The following ERP44 variants were observed in gnomAD, a reference collection of about 807,000 sequenced individuals.
ERP44 encodes the protein endoplasmic reticulum resident protein 44.
A neutral mutation model predicts 53.4 loss-of-function variants in ERP44; 25 were observed. The observed-to-expected ratio is 0.47, with a 90% CI of 0.34 to 0.65. The LOEUF is 0.65. ERP44 is among the 30% of genes least tolerant of loss of function. ERP44 has a pLI of 0.01. For missense variants in ERP44, 338 were observed against 493.2 expected, an observed-to-expected ratio of 0.69 and a Z score of 2.98; for synonymous variants, 145 against 161.2, an observed-to-expected ratio of 0.90 and a Z score of 0.76.
At chr9:100,078,048 C>T (rs1242506263) in intron 1 of ERP44, among the ~76,000 whole-genome samples, 2 of 152,250 alleles carry the variant, frequency 1.3e-5, no homozygotes, top group Non-Finnish European at 2.9e-5. Flanking sequence ...ACAAGGCAGT[C>T]ATCAATACCA....
intron 1 of ERP44, among the ~76,000 whole-genome samples, chr9:100,079,303 G>A (rs1248270488): frequency 6.6e-6 from 1 of 152,072 alleles, no homozygotes; most frequent in Admixed American, 6.6e-5. Context: ...CAGACTCCAA[G>A]TACTTCAGCT....
chr9:100,029,317 G>A (rs1825748863), intron 4 of ERP44, among the ~76,000 whole-genome samples: 2 of 152,128 alleles, frequency 1.3e-5, no homozygotes, highest in Admixed American at 1.3e-4. Flanking sequence ...GAATATACAA[G>A]CAACAACAAC....
intron 10 of ERP44, among the ~76,000 whole-genome samples, chr9:99,996,012 G>A (rs1391542388): frequency 6.6e-6 from 1 of 150,832 alleles, no homozygotes; most frequent in Non-Finnish European, 1.5e-5. Context: ...CAGTGTGCAA[G>A]GGTTCCCTTT....
intron 10 of ERP44, among the ~76,000 whole-genome samples, chr9:100,002,684 G>GAATCTTCTCTTGCTGCTTTCAT (rs1359184182): frequency 1.3e-4 from 20 of 151,860 alleles, no homozygotes; most frequent in African/African-American, 4.1e-4. Flanking sequence ...GCTGCTTTCA[G>GAATCTTCTCTTGCTGCTTTCAT]AATCTTCTCT....
rs2000186 is a variant in ERP44 at position 100,095,453 on chromosome 9, T to A, written c.57+3331A>T. Among the ~76,000 whole-genome samples, 1,493 of 151,992 alleles carry A rather than the reference T, an allele frequency of 9.8e-3. 24 individuals are homozygous for A. Among genetic ancestry groups the A allele is most frequent in the African/African-American group, 0.033 (1,368 of 41,456 alleles). On this transcript the variant is annotated intron_variant, in intron 1 of 11. Coordinates refer to ENST00000262455, the MANE Select transcript of ERP44 (RefSeq NM_015051.3). Reference sequence around the variant, plus strand: ...TTGAACAATGCTGTTTATTTTTTTTTAAAAAAAGGGAAACAATCAGGAAAA... The same window carrying A: ...TTGAACAATGCTGTTTATTTTTTTTAAAAAAAAGGGAAACAATCAGGAAAA...
chr9:100,050,796 A>T (rs1006971091), intron 4 of ERP44, among the ~76,000 whole-genome samples: 4 of 152,170 alleles, frequency 2.6e-5, no homozygotes, highest in African/African-American at 9.7e-5. Context: ...ATGATGTCAG[A>T]TTTTCTTCAA....
chr9:100,008,208 T>A (rs1331322138), intron 8 of ERP44, among the ~76,000 whole-genome samples: 2 of 152,190 alleles, frequency 1.3e-5, no homozygotes, highest in East Asian at 1.9e-4. Context: ...ACCCAAAGCT[T>A]GAAGTGTTTT....
chr9:100,068,018 G>A (rs1165765384), intron 1 of ERP44, among the ~76,000 whole-genome samples: 5 of 150,248 alleles, frequency 3.3e-5, no homozygotes, highest in African/African-American at 7.3e-5. Context: ...CGCCCCGTCC[G>A]GGAGGGAGGT....
intron 10 of ERP44, 115 bp from the exon 11 acceptor site, chr9:99,985,184 A>G (rs1830183289): frequency 3.1e-6 from 2 of 649,618 alleles, no homozygotes; most frequent in Non-Finnish European, 5.5e-6. Context: ...TCCTACCACA[A>G]CTATTGCAGG....
intron 1 of ERP44, among the ~76,000 whole-genome samples, chr9:100,068,388 T>C (rs1378546343): frequency 1.2e-5 from 1 of 82,822 alleles, no homozygotes. Flanking sequence ...GGTGGGGGGG[T>C]CAGCCCCCTG....
chr9:100,086,191 TC>T (rs1826480314), intron 1 of ERP44, among the ~76,000 whole-genome samples: 1 of 152,240 alleles, frequency 6.6e-6, no homozygotes, highest in Admixed American at 6.5e-5. Context: ...TTCCTCACTT[TC>T]ATTTATACCA....
chr9:99,999,160 C>T, intron 10 of ERP44: 1 of 538,036 alleles, frequency 1.9e-6, no homozygotes, highest in Non-Finnish European at 3.3e-6. Context: ...CAGGGCTCCG[C>T]CCCCCGACCC....
intron 1 of ERP44, among the ~76,000 whole-genome samples, chr9:100,091,924 A>G (rs1587987686): frequency 6.6e-6 from 1 of 152,024 alleles, no homozygotes; most frequent in African/African-American, 2.4e-5. Context: ...TTCTACAAAC[A>G]CCTTTGGCAT....
At chr9:100,047,548 AC>A (rs1207211823) in intron 4 of ERP44, among the ~76,000 whole-genome samples, 1 of 152,208 alleles carries the variant, frequency 6.6e-6, no homozygotes, top group Admixed American at 6.5e-5. Context: ...CTTGTTCCAT[AC>A]ACAAAAATTA....
chr9:99,985,194 G>A lies in ERP44; in HGVS notation c.1017-125C>T, dbSNP rs1830183473. On this transcript the variant is annotated intron_variant, in intron 10 of 11. Transcript: ENST00000262455. ...CACCATCCTACCACAACTATTGCAG[G>A]CCAGGTATGTGTGAAACATTTTTAC... 12 of 624,692 alleles carry A rather than the reference G, an allele frequency of 1.9e-5. No homozygotes were observed. The East Asian group carries it at 3.4e-4, about 18-fold the overall frequency. The allele number at this position is 624,692 out of a possible 1,614,324, so 38.7% of individuals were successfully genotyped here. A position where few individuals can be genotyped will look rare whatever the true frequency, so the allele number is the denominator to read the frequency against.
chr9:100,093,247 A>T (rs1826581820), intron 1 of ERP44, among the ~76,000 whole-genome samples: 1 of 152,228 alleles, frequency 6.6e-6, no homozygotes, highest in Non-Finnish European at 1.5e-5. Flanking sequence ...TACAAATTTT[A>T]ACCTATCAGA....
At chr9:100,003,678 C>T (rs958315221) in intron 10 of ERP44, among the ~76,000 whole-genome samples, 2 of 152,026 alleles carry the variant, frequency 1.3e-5, no homozygotes, top group African/African-American at 4.8e-5. Context: ...GAGGGTGGGT[C>T]TGAAGCCTGG....
At chr9:100,070,971 T>C (rs1441779607) in intron 1 of ERP44, among the ~76,000 whole-genome samples, 4 of 152,134 alleles carry the variant, frequency 2.6e-5, no homozygotes, top group African/African-American at 7.2e-5. Context: ...CAATATACTA[T>C]AGCAGGTGAG....
chr9:100,023,930 G>A (rs1426462213), intron 4 of ERP44, among the ~76,000 whole-genome samples: 1 of 152,106 alleles, frequency 6.6e-6, no homozygotes. Flanking sequence ...TGAGGCGGGT[G>A]GATCACTTGA....
Sources: allele counts gnomAD v4.1 joint callset (sites outside exome capture counted in the v4.1 genomes callset), GRCh38; gene constraint gnomAD v4.1.1; transcripts MANE v1.5; gene names NCBI Gene and HGNC (gene_info 2026-07-23, HGNC 2026-07-21).